NBAS: variants seen among roughly 807,000 people sequenced by gnomAD.
NBAS encodes the protein NBAS subunit of NRZ tethering complex.
In NBAS, 219 loss-of-function variants were observed where a neutral mutation model predicts 302.5. That is an observed-to-expected ratio of 0.72 (90% CI 0.65 to 0.81). The LOEUF is 0.81. Among genes scored for constraint, NBAS ranks in the 30% least tolerant of loss-of-function variants. The pLI, the probability that NBAS is intolerant of heterozygous loss-of-function variation, is 0.00. For synonymous variants in NBAS, 1,118 were observed against 1,021.6 expected (o/e 1.09, Z -1.80); for missense variants, 2,932 against 2,841.6 (o/e 1.03, Z -0.72).
At chr2:15,535,573 AAAAT>A (rs1663463517) in intron 8 of NBAS, among the ~76,000 whole-genome samples, 1 of 144,292 alleles carries the variant, frequency 6.9e-6, no homozygotes, top group Non-Finnish European at 1.5e-5. Context: ...TAAAAATAAA[AAAAT>A]AAAATAAAAT....
the NBAS span, among the ~76,000 whole-genome samples, chr2:14,848,427 CG>C: frequency 1.4e-5 from 2 of 141,986 alleles, no homozygotes; most frequent in African/African-American, 6.0e-5. Flanking sequence ...GAGGGTCCTA[CG>C]CCCACGGAAT....
intron 35 of NBAS, among the ~76,000 whole-genome samples, chr2:15,331,110 T>C (rs570981207): frequency 6.6e-6 from 1 of 152,316 alleles, no homozygotes; most frequent in Non-Finnish European, 1.5e-5. Context: ...TTTGTTTCCT[T>C]GACAATACAT....
At chr2:15,229,572 A>G (rs576004349) in intron 47 of NBAS, among the ~76,000 whole-genome samples, 1 of 152,088 alleles carries the variant, frequency 6.6e-6, no homozygotes, top group South Asian at 2.1e-4. Context: ...ACCTGAGGTC[A>G]GGAGTTTGAG....
chr2:14,811,898 C>T, the NBAS span, among the ~76,000 whole-genome samples: 101 of 152,274 alleles, frequency 6.6e-4, 1 homozygote, highest in East Asian at 0.018. Context: ...ATCTATGAGG[C>T]TTTGGTGACT....
intron 42 of NBAS, among the ~76,000 whole-genome samples, chr2:15,279,844 C>G (rs1385330315): frequency 6.6e-6 from 1 of 152,116 alleles, no homozygotes; most frequent in South Asian, 2.1e-4. Flanking sequence ...AAGAAAGAAG[C>G]TGTTATCTTC....
chr2:14,873,944 A>G, the NBAS span, among the ~76,000 whole-genome samples: 1 of 152,160 alleles, frequency 6.6e-6, no homozygotes, highest in Non-Finnish European at 1.5e-5. Context: ...CAGAAAGACG[A>G]CAAAGATAAC....
At chr2:15,056,139 A>G in the NBAS span, among the ~76,000 whole-genome samples, 1 of 152,110 alleles carries the variant, frequency 6.6e-6, no homozygotes, top group African/African-American at 2.4e-5. Flanking sequence ...CATGAGCAAA[A>G]AGATTCAAGA....
At chr2:15,351,636 C>T (rs190225307) in intron 35 of NBAS, among the ~76,000 whole-genome samples, 65 of 151,990 alleles carry the variant, frequency 4.3e-4, no homozygotes, top group Non-Finnish European at 7.1e-4. Flanking sequence ...GGAGATCACA[C>T]CACTGCACTC....
At chr2:15,042,175 C>A in the NBAS span, among the ~76,000 whole-genome samples, 1 of 152,188 alleles carries the variant, frequency 6.6e-6, no homozygotes, top group Non-Finnish European at 1.5e-5. Flanking sequence ...AGGAGGCAAA[C>A]CTAGGTGGCC....
At chr2:14,995,446 C>A in the NBAS span, among the ~76,000 whole-genome samples, 1 of 152,222 alleles carries the variant, frequency 6.6e-6, no homozygotes, top group Non-Finnish European at 1.5e-5. Context: ...TATGTGGAAC[C>A]CTCCATTCCT....
intron 36 of NBAS, among the ~76,000 whole-genome samples, chr2:15,330,370 C>T (rs915822138): frequency 8.5e-5 from 13 of 152,074 alleles, no homozygotes; most frequent in African/African-American, 1.7e-4. Context: ...ATATATAAAC[C>T]GAGCCTTACC....
chr2:15,373,955 G>C (rs1435192350), intron 31 of NBAS, among the ~76,000 whole-genome samples: 1 of 152,114 alleles, frequency 6.6e-6, no homozygotes, highest in Admixed American at 6.5e-5. Flanking sequence ...TTCCTCAACA[G>C]GGAAGGTCAG....
the NBAS span, among the ~76,000 whole-genome samples, chr2:15,073,995 A>C: frequency 2.0e-5 from 3 of 152,188 alleles, no homozygotes; most frequent in African/African-American, 7.2e-5. Flanking sequence ...TGTGGATAAA[A>C]CACTAGGAAA....
chr2:15,504,947 T>C (rs1220851947), intron 10 of NBAS, among the ~76,000 whole-genome samples: 5 of 152,192 alleles, frequency 3.3e-5, no homozygotes, highest in Non-Finnish European at 7.4e-5. Context: ...TAGCCAGAAC[T>C]TCTGAGTTGA....
intron 47 of NBAS, among the ~76,000 whole-genome samples, chr2:15,222,447 A>G (rs12997504): frequency 3.3e-4 from 50 of 152,332 alleles, no homozygotes; most frequent in Non-Finnish European, 5.4e-4. Context: ...GTTGTCATGA[A>G]GACAAGCTGG....
intron 21 of NBAS, among the ~76,000 whole-genome samples, chr2:15,431,962 C>T (rs560654780): frequency 6.6e-5 from 10 of 151,990 alleles, no homozygotes; most frequent in South Asian, 2.1e-4. Context: ...CTTATTCTTT[C>T]GTTAGGTAAG....
At chr2:15,559,985 C>T (rs540698144) in intron 1 of NBAS, among the ~76,000 whole-genome samples, 182 of 152,060 alleles carry the variant, frequency 1.2e-3, no homozygotes, top group African/African-American at 4.1e-3. Flanking sequence ...TACCCGTCTA[C>T]AAAATAAATT....
rs776597537 is a variant in NBAS, at chr2:15,178,988, C to G, written c.6840G>C (p.Thr2280=). 1.2e-6 allele frequency: 2 copies of G among 1,613,776 alleles called. No homozygotes were observed. The highest frequency in any genetic ancestry group is 1.7e-6 in the Non-Finnish European group (2 of 1,179,946). ...MALEQITAVT[T]VNDSNCDQEL... ...AGAAAGTAAATTCAACTGGGCATAC[C>G]GTAGTGACTGCCGTGATTTGCTCCA... Residue 2280 remains threonine, a splice_region_variant and synonymous_variant, in exon 51 of 52, where the codon ACG becomes ACC. Transcript: ENST00000281513.
At chr2:15,396,306 T>G in intron 27 of NBAS, 107 bp downstream of exon 27, 23 of 850,102 alleles carry the variant, frequency 2.7e-5, no homozygotes, top group Non-Finnish European at 4.0e-5. Flanking sequence ...CAAACAAAAA[T>G]GAGGTTAAAG....
Sources: allele counts gnomAD v4.1 joint callset (sites outside exome capture counted in the v4.1 genomes callset), GRCh38; gene constraint gnomAD v4.1.1; transcripts MANE v1.5; gene names NCBI Gene and HGNC (gene_info 2026-07-23, HGNC 2026-07-21).